P4HB: variants seen among roughly 807,000 people sequenced by gnomAD.
The protein encoded by P4HB is protein disulfide-isomerase.
A neutral mutation model predicts 52.6 loss-of-function variants in P4HB; 20 were observed. The observed-to-expected ratio is 0.38, with a 90% CI of 0.27 to 0.55. P4HB has a LOEUF of 0.55. Among genes scored for constraint, P4HB ranks in the 20% least tolerant of loss-of-function variants. The pLI is 0.74. For synonymous variants in P4HB, 296 were observed against 277.9 expected (o/e 1.07, Z -0.65); for missense variants, 601 against 669.2 (o/e 0.90, Z 1.12).
At chr17:81,845,368 C>G (rs1281582740) in intron 9 of P4HB, 138 bp from the exon 10 acceptor site, 1 of 876,928 alleles carries the variant, frequency 1.1e-6, no homozygotes, top group African/African-American at 1.7e-5. Context: ...ATTGGGAGTT[C>G]AAAAACAGCC....
chr17:81,857,885 G>A (rs2038935845), intron 2 of P4HB, among the ~76,000 whole-genome samples: 1 of 152,210 alleles, frequency 6.6e-6, no homozygotes, highest in Admixed American at 6.5e-5. Flanking sequence ...GGTCACCAGT[G>A]ACAAGTGGAT....
At chr17:81,849,796 G>A (rs866529147) in intron 4 of P4HB, among the ~76,000 whole-genome samples, 6 of 151,980 alleles carry the variant, frequency 3.9e-5, no homozygotes, top group South Asian at 4.2e-4. Flanking sequence ...TCATTCCCCC[G>A]AACTACTTTT....
chr17:81,859,247 C>A lies in P4HB; in HGVS notation c.286G>T (p.Val96Leu). 6.2e-7 allele frequency: 1 copy of A among 1,614,046 alleles called. No homozygotes were observed. Among genetic ancestry groups the A allele is most frequent in the Non-Finnish European group, 8.5e-7 (1 of 1,180,024 alleles). The change falls in exon 2 of 11, where the codon GTG (valine) becomes TTG (leucine). Residue 96 changes from valine (V) to leucine (L), a missense_variant. Val to Leu is a conservative substitution (Grantham distance 32). Coordinates refer to ENST00000331483, the MANE Select transcript of P4HB (RefSeq NM_000918.4). The part of the protein sequence containing the change: ...EESDLAQQYG[V>L]RGYPTIKFFR... ...AACTTGATGGTGGGATAGCCGCGCA[C>A]GCCGTACTGCTGGGCCAGGTCAGAC...
At position 81,844,007 on chromosome 17, in the gene P4HB, G is replaced by T. The variant is rs758893845; in HGVS notation, c.*5C>A. The stretch of plus-strand genomic sequence containing the variant: ...CTCGGCAGCGCCCGGGTCTGGCTTT[G>T]CGTATTACAGTTCATCTTTCACAGC... On this transcript the variant is annotated 3_prime_UTR_variant, in exon 11 of 11. Coordinates refer to ENST00000331483, the MANE Select transcript of P4HB (RefSeq NM_000918.4). The T allele has an allele frequency of 4.0e-5, 65 of 1,609,340 alleles. No homozygotes were observed. Among genetic ancestry groups the T allele is most frequent in the Non-Finnish European group, 4.4e-5 (52 of 1,175,896 alleles).
At chr17:81,860,165 C>A (rs2143375030) in intron 1 of P4HB, 162 bp downstream of exon 1, 1 of 544,478 alleles carries the variant, frequency 1.8e-6, no homozygotes, top group Non-Finnish European at 2.9e-6. Flanking sequence ...CTCTCACCCC[C>A]AGGGAGCCCC....
rs559423138 is a variant in P4HB at position 81,858,907 on chromosome 17, C to G, written c.352+274G>C. 4 of 454,964 alleles carry G rather than the reference C, an allele frequency of 8.8e-6. No individual in the cohort carries two copies. The East Asian group carries it at 1.7e-4, about 19-fold the overall frequency. 28.2% of individuals were successfully genotyped at this position (454,964 alleles called of 1,614,324 possible). A position where few individuals can be genotyped will look rare whatever the true frequency, so the allele number is the denominator to read the frequency against. On this transcript the variant is annotated intron_variant, in intron 2 of 10. Coordinates refer to ENST00000331483, the MANE Select transcript of P4HB (RefSeq NM_000918.4). ...TGGCCAGAAAGGCACCAGTCTCCCTCTCCTCGCTGGTCAGTCTCCAAACAG... is the reference window on the plus strand; with the variant it reads ...TGGCCAGAAAGGCACCAGTCTCCCTGTCCTCGCTGGTCAGTCTCCAAACAG...
chr17:81,855,801 G>A lies in P4HB; in HGVS notation c.353-215C>T, dbSNP rs2038904889. 3 of 515,682 alleles carry A rather than the reference G, an allele frequency of 5.8e-6. No individual in the cohort carries two copies. In the South Asian group the frequency reaches 9.1e-5, roughly 16 times the overall value. 31.9% of individuals were successfully genotyped at this position (515,682 alleles called of 1,614,324 possible). On this transcript the variant is annotated intron_variant, in intron 2 of 10. Transcript: ENST00000331483. This position sits in a 1 kb window ranked among gnomAD's most constrained non-coding sequence, Gnocchi z 4.3. ...TGTGGTTGTGTTTATGGGGAGTGGAGAGGGAAGAGGGTGATTCTGTCTCTG... is the reference window on the plus strand; with the variant it reads ...TGTGGTTGTGTTTATGGGGAGTGGAAAGGGAAGAGGGTGATTCTGTCTCTG...
chr17:81,860,364 C>T lies in P4HB; in HGVS notation c.108G>A (p.Glu36=). The T allele has an allele frequency of 2.0e-6, 3 of 1,473,832 alleles. No homozygotes were observed. Among genetic ancestry groups the T allele is most frequent in the Non-Finnish European group, 2.7e-6 (3 of 1,111,800 alleles). The allele number at this position is 1,473,832 out of a possible 1,614,324, so 91.3% of individuals were successfully genotyped here. ...VLVLRKSNFA[E]ALAAHKYLLV... is the part of the protein sequence containing the mutation. ...GCAGGTACTTGTGGGCCGCCAGCGC[C>T]TCCGCGAAGTTGCTTTTCCGCAGCA... Residue 36 remains glutamate (E), a synonymous_variant, in exon 1 of 11, where the codon GAG becomes GAA. Coordinates refer to ENST00000331483, the MANE Select transcript of P4HB (RefSeq NM_000918.4).
chr17:81,849,654 A>G (rs1299363031), intron 4 of P4HB, among the ~76,000 whole-genome samples: 1 of 152,128 alleles, frequency 6.6e-6, no homozygotes, highest in Non-Finnish European at 1.5e-5. Flanking sequence ...TCCTAAGGCC[A>G]CAAGATGGAG....
chr17:81,860,109 C>T (rs950622335), intron 1 of P4HB: 2 of 404,098 alleles, frequency 4.9e-6, no homozygotes, highest in Non-Finnish European at 8.8e-6. Context: ...AAGATCCTGC[C>T]GTGCGCAGGG....
Position 81,848,661 on chromosome 17 carries a change from G to A in P4HB, c.625-1314C>T, listed in dbSNP as rs1214443275. Among the ~76,000 whole-genome samples the A allele has an allele frequency of 2.7e-5, 4 of 149,864 alleles. No homozygotes were observed. The South Asian group carries it at 6.4e-4, about 24-fold the overall frequency. On this transcript the variant is annotated intron_variant, in intron 4 of 10. Coordinates refer to ENST00000331483, the MANE Select transcript of P4HB (RefSeq NM_000918.4). ...TGAGGCAGGAGAATCGCTTGGACCC[G>A]GGAGGCGGAGGTTGCGGTGAGCCGA...
chr17:81,859,788 G>C (rs2038968958), intron 1 of P4HB: 2 of 279,286 alleles, frequency 7.2e-6, no homozygotes, highest in South Asian at 8.0e-5. Flanking sequence ...GTGAGTATGA[G>C]ATGCACATCC....
intron 4 of P4HB, 141 bp from the exon 5 acceptor site, chr17:81,847,488 G>C: frequency 1.4e-6 from 1 of 708,324 alleles, no homozygotes; most frequent in Non-Finnish European, 2.6e-6. Flanking sequence ...TCCAGCAATG[G>C]GTACAGGACA....
At position 81,844,023 on chromosome 17, in the gene P4HB, C is replaced by T. The variant is rs1224059530; in HGVS notation, c.1516G>A (p.Asp506Asn). 3 of 1,613,290 alleles carry T rather than the reference C, an allele frequency of 1.9e-6. No individual in the cohort carries two copies. Among genetic ancestry groups the T allele is most frequent in the Non-Finnish European group, 2.5e-6 (3 of 1,179,382 alleles). ...EEDDDQKAVK[D>N]EL ...TCTGGCTTTGCGTATTACAGTTCAT[C>T]TTTCACAGCTTTCTGATCATCGTCT... Residue 506 changes from aspartate (D) to asparagine (N), a missense_variant, in exon 11 of 11, where the codon GAT becomes AAT. Transcript: ENST00000331483.
intron 4 of P4HB, among the ~76,000 whole-genome samples, chr17:81,853,027 C>T (rs2038856597): frequency 6.6e-6 from 1 of 152,220 alleles, no homozygotes; most frequent in Non-Finnish European, 1.5e-5. Flanking sequence ...GTTTAATTTC[C>T]TGGGCACCTT....
In P4HB at chr17:81,848,796, G is replaced by C. The variant is rs556701072; in HGVS notation, c.625-1449C>G. On this transcript the variant is annotated intron_variant, in intron 4 of 10. Transcript: ENST00000331483. ...GCAGTGGCTCACACCTGTAATCCTA[G>C]CAGTTTGGGAGGCTGAGGCAGGTGG... Among the ~76,000 whole-genome samples the C allele has an allele frequency of 8.4e-5, 12 of 142,182 alleles. No homozygotes were observed. In the South Asian group the frequency reaches 2.7e-3, roughly 32 times the overall value. The allele number at this position is 142,182 out of a possible 152,430, so 93.3% of individuals were successfully genotyped here.
In P4HB at chr17:81,846,421, G is replaced by A. The variant is rs766534428; in HGVS notation, c.1056+8C>T. 6 of 1,612,818 alleles carry A rather than the reference G, an allele frequency of 3.7e-6. No homozygotes were observed. Among genetic ancestry groups the A allele is most frequent in the Admixed American group, 1.7e-5 (1 of 60,018 alleles). On this transcript the variant is annotated splice_region_variant and intron_variant, in intron 7 of 10. Transcript: ENST00000331483. The surrounding 1 kb of genome is among the most constrained non-coding windows in gnomAD (Gnocchi z 5.7). ...GGAGGCAGCCCTGGCCCGGGGACGC[G>A]CCTGCACCTTGATTTTGCCCTCCAG...
chr17:81,859,802 C>T (rs987893419), intron 1 of P4HB: 2 of 255,012 alleles, frequency 7.8e-6, no homozygotes, highest in Non-Finnish European at 1.6e-5. Flanking sequence ...CACATCCGTG[C>T]ACACAGACCC....
intron 1 of P4HB, chr17:81,859,883 A>G (rs2143373753): frequency 5.6e-6 from 1 of 178,030 alleles, no homozygotes; most frequent in South Asian, 1.4e-4. Context: ...CAAGGTTCCC[A>G]CCCCAGGGAC....
Sources: allele counts gnomAD v4.1 joint callset (sites outside exome capture counted in the v4.1 genomes callset), GRCh38; gene constraint gnomAD v4.1.1; non-coding constraint Gnocchi (gnomAD v3.1); transcripts MANE v1.5; gene names NCBI Gene and HGNC (gene_info 2026-07-23, HGNC 2026-07-21).